The following ANO2 variants were observed in gnomAD, a reference collection of about 807,000 sequenced individuals.
The protein encoded by ANO2 is anoctamin 2.
A neutral mutation model predicts 124.2 loss-of-function variants in ANO2; 101 were observed. The ratio of observed to expected loss-of-function variants is 0.81; its 90% CI spans 0.69 to 0.96. The LOEUF (loss-of-function observed/expected upper bound fraction) is 0.96. Ranked by LOEUF, ANO2 falls within the 40% of genes least tolerant of loss-of-function variation. The probability of loss-of-function intolerance (pLI) is 0.00; values close to 1 mark genes in which losing one functional copy is unlikely to be tolerated. For missense variants in ANO2, 1,293 were observed against 1,274.5 expected, an observed-to-expected ratio of 1.01 and a Z score of -0.22; for synonymous variants, 486 against 482.5, an observed-to-expected ratio of 1.01 and a Z score of -0.09.
At chr12:5,584,215 A>C in intron 20 of ANO2, 1 of 153,982 alleles carries the variant, frequency 6.5e-6, no homozygotes, top group Non-Finnish European at 1.4e-5. Flanking sequence ...ACTCGAACCA[A>C]TCCAGTGACC....
At chr12:5,678,092 C>T (rs1036715478) in intron 14 of ANO2, among the ~76,000 whole-genome samples, 1 of 152,130 alleles carries the variant, frequency 6.6e-6, no homozygotes, top group Admixed American at 6.5e-5. Flanking sequence ...CTGATGTGGA[C>T]CAAGCTCGCT....
chr12:5,884,045 A>G (rs922835762), intron 3 of ANO2, among the ~76,000 whole-genome samples: 11 of 152,214 alleles, frequency 7.2e-5, no homozygotes, highest in Non-Finnish European at 1.2e-4. Flanking sequence ...CAGGTAATGA[A>G]TAACAGAGTT....
chr12:5,897,340 G>GA (rs200295016), intron 3 of ANO2, among the ~76,000 whole-genome samples: 73 of 150,618 alleles, frequency 4.8e-4, no homozygotes, highest in South Asian at 4.2e-4. Context: ...ACTAAAAAAA[G>GA]AAAAAAAAAC....
At chr12:5,582,130 A>G (rs1193526187) in intron 20 of ANO2, among the ~76,000 whole-genome samples, 1 of 152,240 alleles carries the variant, frequency 6.6e-6, no homozygotes, top group Non-Finnish European at 1.5e-5. Context: ...CTCCATTAGA[A>G]TAAGAGCAAC....
intron 14 of ANO2, among the ~76,000 whole-genome samples, chr12:5,661,795 C>T (rs982258193): frequency 1.2e-4 from 18 of 152,314 alleles, no homozygotes; most frequent in African/African-American, 3.1e-4. Context: ...AAATGCTTCA[C>T]GGGCAATGCT....
At position 5,857,513 on chromosome 12, in the gene ANO2, C is replaced by G. The variant is rs368471749; in HGVS notation, c.535-3372G>C. ...CAGCAGTATGTGAGAGTTCCCTTTT[C>G]ACTGCGTCCTTGCCAGCCTTTATTT... On this transcript the variant is annotated intron_variant, in intron 3 of 24. Coordinates refer to ENST00000682330, the MANE Select transcript of ANO2 (RefSeq NM_001364791.2). Among the ~76,000 whole-genome samples, 4 of 152,286 alleles carry G rather than the reference C, an allele frequency of 2.6e-5. No individual in the cohort carries two copies. The East Asian group carries it at 7.7e-4, about 29-fold the overall frequency.
At chr12:5,566,398 G>C (rs1418400947) in intron 23 of ANO2, among the ~76,000 whole-genome samples, 5 of 152,066 alleles carry the variant, frequency 3.3e-5, no homozygotes. Flanking sequence ...CCTCACCCTT[G>C]CCTTTTCACC....
intron 1 of ANO2, among the ~76,000 whole-genome samples, chr12:5,941,668 T>TA (rs58071581): frequency 0.35 from 50,765 of 145,848 alleles, 10,708 homozygotes; most frequent in East Asian, 0.79. Flanking sequence ...AAACTCAAGT[T>TA]AAAAAAAAAA....
At chr12:5,607,556 C>A (rs1432083726) in intron 19 of ANO2, among the ~76,000 whole-genome samples, 1 of 152,078 alleles carries the variant, frequency 6.6e-6, no homozygotes, top group Non-Finnish European at 1.5e-5. Flanking sequence ...GGGCCACAGA[C>A]CAGTACCCGT....
intron 13 of ANO2, among the ~76,000 whole-genome samples, chr12:5,736,291 G>T (rs531816545): frequency 6.6e-6 from 1 of 152,240 alleles, no homozygotes; most frequent in South Asian, 2.1e-4. Context: ...CCTACTGCTT[G>T]TTCTACCCCT....
At chr12:5,898,913 A>T (rs1325005793) in intron 3 of ANO2, among the ~76,000 whole-genome samples, 1 of 152,226 alleles carries the variant, frequency 6.6e-6, no homozygotes, top group Non-Finnish European at 1.5e-5. Flanking sequence ...AGGCTTTTTT[A>T]AAAGCCTAGC....
intron 10 of ANO2, among the ~76,000 whole-genome samples, chr12:5,756,555 C>T (rs1485345761): frequency 3.3e-5 from 5 of 152,210 alleles, no homozygotes; most frequent in South Asian, 2.1e-4. Context: ...GGATCAGCTG[C>T]CAGAGTAAGC....
chr12:5,598,538 T>C (rs1043273362), intron 20 of ANO2, among the ~76,000 whole-genome samples: 6 of 152,214 alleles, frequency 3.9e-5, no homozygotes, highest in Admixed American at 1.3e-4. Flanking sequence ...GTATTTTTAG[T>C]AGAGATGGAG....
At chr12:5,868,188 T>C (rs1955481462) in intron 3 of ANO2, among the ~76,000 whole-genome samples, 1 of 152,144 alleles carries the variant, frequency 6.6e-6, no homozygotes, top group South Asian at 2.1e-4. Flanking sequence ...AATATATACA[T>C]GTACTAGGTA....
At chr12:5,695,167 T>A (rs1438366604) in intron 14 of ANO2, among the ~76,000 whole-genome samples, 1 of 152,198 alleles carries the variant, frequency 6.6e-6, no homozygotes, top group Non-Finnish European at 1.5e-5. Flanking sequence ...ATTAAATTTT[T>A]GTGTTAGAGT....
In ANO2 at chr12:5,696,812, A is replaced by C. The variant is rs963051177; in HGVS notation, c.1545+35708T>G. Among the ~76,000 whole-genome samples the C allele has an allele frequency of 3.9e-5, 6 of 152,246 alleles. 1 individual carries two copies. The highest frequency in any genetic ancestry group is 3.9e-4 in the Admixed American group (6 of 15,288). On this transcript the variant is annotated intron_variant, in intron 14 of 24. Coordinates refer to ENST00000682330, the MANE Select transcript of ANO2 (RefSeq NM_001364791.2). ...TCTGTCAGGAGTACATGAAGAGTTT[A>C]AGATTTGCATTAGTGAAGTTCAGTA...
At chr12:5,629,156 G>A (rs762315911) in intron 16 of ANO2, among the ~76,000 whole-genome samples, 23 of 152,282 alleles carry the variant, frequency 1.5e-4, no homozygotes, top group Admixed American at 3.9e-4. Flanking sequence ...GTTGGACGGC[G>A]AGGGAGGGAT....
chr12:5,783,381 G>A (rs1193402388), intron 10 of ANO2, among the ~76,000 whole-genome samples: 1 of 152,156 alleles, frequency 6.6e-6, no homozygotes, highest in Non-Finnish European at 1.5e-5. Context: ...CAGAGCAAGT[G>A]ACTAGAGCCC....
Position 5,791,928 on chromosome 12 carries a change from C to T in ANO2, c.1055+7579G>A, listed in dbSNP as rs1205240328. On this transcript the variant is annotated intron_variant, in intron 10 of 24. Coordinates refer to ENST00000682330, the MANE Select transcript of ANO2 (RefSeq NM_001364791.2). ...CAATAAATTCGTATTTATTTAACTA[C>T]AGCCATTTATTTTATTTGTATTATA... Among the ~76,000 whole-genome samples the T allele has an allele frequency of 4.6e-5, 7 of 152,074 alleles. No individual in the cohort carries two copies. The East Asian group carries it at 1.3e-3, about 29-fold the overall frequency.
Sources: allele counts gnomAD v4.1 joint callset (sites outside exome capture counted in the v4.1 genomes callset), GRCh38; gene constraint gnomAD v4.1.1; transcripts MANE v1.5; gene names NCBI Gene and HGNC (gene_info 2026-07-23, HGNC 2026-07-21).